Variants in DOCK4 observed in about 807,000 individuals in gnomAD.
DOCK4 encodes the protein dedicator of cytokinesis protein 4.
In DOCK4, 97 loss-of-function variants were observed where a neutral mutation model predicts 268.1. That is an observed-to-expected ratio of 0.36 (90% CI 0.31 to 0.43). The LOEUF (loss-of-function observed/expected upper bound fraction) is 0.43. DOCK4 is among the 20% of genes least tolerant of loss of function. The pLI is 1.00. For missense variants in DOCK4, 2,145 were observed against 2,455.7 expected, an observed-to-expected ratio of 0.87 and a Z score of 2.67; for synonymous variants, 954 against 887.2, an observed-to-expected ratio of 1.08 and a Z score of -1.34.
chr7:112,138,524 G>C (rs563649572), intron 1 of DOCK4, among the ~76,000 whole-genome samples: 25 of 152,212 alleles, frequency 1.6e-4, no homozygotes, highest in Non-Finnish European at 3.7e-4. Context: ...GGCAGCACAT[G>C]TTGAGACGAA....
At chr7:112,171,842 C>T (rs1818111524) in intron 1 of DOCK4, among the ~76,000 whole-genome samples, 1 of 152,196 alleles carries the variant, frequency 6.6e-6, no homozygotes, top group African/African-American at 2.4e-5. Flanking sequence ...TCTCACAGTT[C>T]TGGAGGCTGG....
rs1311208779 is a variant in DOCK4 at position 111,933,052 on chromosome 7, G to C, written c.1066+2488C>G. On this transcript the variant is annotated intron_variant, in intron 12 of 52. Coordinates refer to ENST00000428084, the MANE Select transcript of DOCK4 (RefSeq NM_001363540.2). The stretch of plus-strand genomic sequence containing the variant: ...TTTTATCCATGGACAATCAGGAGAA[G>C]TGTGTATATATATACATATATATAC... Among the ~76,000 whole-genome samples, 3 of 148,576 alleles carry C rather than the reference G, an allele frequency of 2.0e-5. No homozygotes were observed. In the East Asian group the frequency reaches 5.9e-4, roughly 29 times the overall value.
chr7:111,880,360 C>A (rs1807280023), intron 16 of DOCK4, among the ~76,000 whole-genome samples: 2 of 152,128 alleles, frequency 1.3e-5, no homozygotes. Flanking sequence ...GGAAAAATAT[C>A]CTTCAGGCAT....
At chr7:112,175,956 A>T (rs1040140562) in intron 1 of DOCK4, among the ~76,000 whole-genome samples, 2 of 152,216 alleles carry the variant, frequency 1.3e-5, no homozygotes, top group African/African-American at 4.8e-5. Context: ...TCTATCATCA[A>T]CATTATTTTT....
rs1027788273 is a variant in DOCK4 at position 112,133,576 on chromosome 7, C to A, written c.37+72526G>T. ...GTGACACCCGTCTCTCCTAAAATAG[C>A]CGGGCATGGTGGCGTGCACCTGTAG... On this transcript the variant is annotated intron_variant, in intron 1 of 52. Coordinates refer to ENST00000428084, the MANE Select transcript of DOCK4 (RefSeq NM_001363540.2). Among the ~76,000 whole-genome samples, 4 of 152,058 alleles carry A rather than the reference C, an allele frequency of 2.6e-5. No individual in the cohort carries two copies. The South Asian group carries it at 6.2e-4, about 24-fold the overall frequency.
chr7:111,982,328 T>G (rs1473807311), intron 7 of DOCK4, among the ~76,000 whole-genome samples: 1 of 152,212 alleles, frequency 6.6e-6, no homozygotes, highest in Non-Finnish European at 1.5e-5. Flanking sequence ...GAAATAAATT[T>G]CTATCATGTT....
At chr7:111,913,980 C>T (rs1312600629) in intron 13 of DOCK4, among the ~76,000 whole-genome samples, 1 of 152,170 alleles carries the variant, frequency 6.6e-6, no homozygotes, top group African/African-American at 2.4e-5. Context: ...AAAGCAGGTA[C>T]TTGCTATTAG....
chr7:111,860,988 C>CT (rs1805462124), intron 23 of DOCK4, among the ~76,000 whole-genome samples: 2 of 152,314 alleles, frequency 1.3e-5, no homozygotes, highest in Middle Eastern at 3.4e-3. Context: ...AAGACTTTAA[C>CT]TTAACAAAGA....
At chr7:111,877,330 CA>C in intron 16 of DOCK4, 144 bp from the exon 17 acceptor site, 1 of 715,608 alleles carries the variant, frequency 1.4e-6, no homozygotes, top group South Asian at 6.6e-5. Flanking sequence ...AAATAAAATG[CA>C]AAAAAACTGT....
chr7:112,075,852 C>T (rs897169681), intron 1 of DOCK4, among the ~76,000 whole-genome samples: 1 of 151,816 alleles, frequency 6.6e-6, no homozygotes, highest in African/African-American at 2.4e-5. Context: ...GAAGTGTTGA[C>T]ATAATACAGT....
At chr7:112,167,788 T>C (rs1178792054) in intron 1 of DOCK4, among the ~76,000 whole-genome samples, 1 of 152,216 alleles carries the variant, frequency 6.6e-6, no homozygotes. Flanking sequence ...AATAAAGTAC[T>C]ATACTAAATA....
intron 23 of DOCK4, among the ~76,000 whole-genome samples, chr7:111,861,013 G>A (rs1365384077): frequency 6.6e-6 from 1 of 152,220 alleles, no homozygotes; most frequent in Non-Finnish European, 1.5e-5. Flanking sequence ...TCTGGTCAGT[G>A]TGGGAGAAAT....
At chr7:112,111,748 G>A (rs2115703512) in intron 1 of DOCK4, among the ~76,000 whole-genome samples, 1 of 152,322 alleles carries the variant, frequency 6.6e-6, no homozygotes, top group East Asian at 1.9e-4. Flanking sequence ...TCTGGGCAGA[G>A]TAGGACCTGC....
intron 1 of DOCK4, among the ~76,000 whole-genome samples, chr7:112,099,396 G>C (rs889316140): frequency 2.0e-5 from 3 of 151,228 alleles, no homozygotes; most frequent in Non-Finnish European, 4.4e-5. Flanking sequence ...ACACACATGC[G>C]TCTCTTTGAC....
intron 16 of DOCK4, among the ~76,000 whole-genome samples, chr7:111,880,197 C>A (rs1807265558): frequency 6.6e-6 from 1 of 152,070 alleles, no homozygotes; most frequent in Admixed American, 6.6e-5. Context: ...AGAAAAGAAA[C>A]AAGTAACACA....
chr7:112,100,284 G>A (rs1005845242), intron 1 of DOCK4, among the ~76,000 whole-genome samples: 3 of 152,214 alleles, frequency 2.0e-5, no homozygotes, highest in Non-Finnish European at 1.5e-5. Flanking sequence ...ATTAGTTGAG[G>A]TTACTGTTTT....
chr7:112,185,892 T>C (rs951100837), intron 1 of DOCK4, among the ~76,000 whole-genome samples: 5 of 152,236 alleles, frequency 3.3e-5, no homozygotes, highest in Admixed American at 2.6e-4. Flanking sequence ...CTGCCATCAC[T>C]GGCTGCAGCT....
rs145777823 is a variant in DOCK4, at chr7:112,021,586, C to T, written c.38-17455G>A. ...CCGCTCCATGAATCTGGCCACCAGC[C>T]GAAGCACAGTATTTCATCCAAAAAG... On this transcript the variant is annotated intron_variant, in intron 1 of 52. Coordinates refer to ENST00000428084, the MANE Select transcript of DOCK4 (RefSeq NM_001363540.2). Among the ~76,000 whole-genome samples the T allele has an allele frequency of 1.5e-4, 23 of 152,278 alleles. No individual in the cohort carries two copies. In the East Asian group the frequency reaches 3.9e-3, roughly 26 times the overall value.
At chr7:112,201,527 C>T (rs940970365) in intron 1 of DOCK4, among the ~76,000 whole-genome samples, 10 of 152,240 alleles carry the variant, frequency 6.6e-5, no homozygotes, top group Admixed American at 6.5e-4. Context: ...CAGCCTTCAG[C>T]TCAGGAAGAT....
Sources: allele counts gnomAD v4.1 joint callset (sites outside exome capture counted in the v4.1 genomes callset), GRCh38; gene constraint gnomAD v4.1.1; transcripts MANE v1.5; gene names NCBI Gene and HGNC (gene_info 2026-07-23, HGNC 2026-07-21).